Variants in PRKG1 observed in about 807,000 individuals in gnomAD.
PRKG1 encodes the protein cGMP-dependent protein kinase 1.
In PRKG1, 35 loss-of-function variants were observed where a neutral mutation model predicts 88.1. The observed-to-expected ratio is 0.40, with a 90% CI of 0.30 to 0.53. PRKG1 has a LOEUF of 0.53. PRKG1 is among the 20% of genes least tolerant of loss of function. PRKG1 has a pLI of 0.59. For synonymous variants in PRKG1, 303 were observed against 292.5 expected, an observed-to-expected ratio of 1.04 and a Z score of -0.37; for missense variants, 540 against 839.8, an observed-to-expected ratio of 0.64 and a Z score of 4.41.
chr10:52,104,871 T>C (rs1052857576), intron 7 of PRKG1, among the ~76,000 whole-genome samples: 1 of 152,204 alleles, frequency 6.6e-6, no homozygotes, highest in African/African-American at 2.4e-5. Context: ...AATCTTTTGA[T>C]TTTTCACAAT....
At chr10:51,410,790 T>A (rs531433853) in intron 2 of PRKG1, among the ~76,000 whole-genome samples, 2 of 151,734 alleles carry the variant, frequency 1.3e-5, no homozygotes, top group African/African-American at 4.8e-5. Context: ...AAAATAAATA[T>A]GTTAAATATA....
At chr10:51,679,999 C>T (rs1840808806) in intron 3 of PRKG1, among the ~76,000 whole-genome samples, 1 of 151,970 alleles carries the variant, frequency 6.6e-6, no homozygotes, top group Middle Eastern at 3.4e-3. Flanking sequence ...GGATCAAAGG[C>T]TACTCTACCT....
At chr10:51,474,764 C>A (rs10997704) in intron 3 of PRKG1, among the ~76,000 whole-genome samples, 1 of 151,714 alleles carries the variant, frequency 6.6e-6, no homozygotes, top group Non-Finnish European at 1.5e-5. Flanking sequence ...AAAGGATAAG[C>A]TGAGTCATGA....
At chr10:52,131,913 C>G (rs773596727) in intron 7 of PRKG1, among the ~76,000 whole-genome samples, 1 of 140,872 alleles carries the variant, frequency 7.1e-6, no homozygotes, top group Non-Finnish European at 1.5e-5. Context: ...TGGGAGTTAA[C>G]GAGACTATAA....
intron 3 of PRKG1, among the ~76,000 whole-genome samples, chr10:51,674,025 T>C (rs1317466930): frequency 1.3e-5 from 2 of 152,186 alleles, no homozygotes; most frequent in Admixed American, 6.5e-5. Flanking sequence ...TTGATTAGAA[T>C]GCAGAGGGGC....
At chr10:51,628,974 A>AAC (rs1554827086) in intron 3 of PRKG1, among the ~76,000 whole-genome samples, 2,238 of 142,024 alleles carry the variant, frequency 0.016, 17 homozygotes, top group African/African-American at 0.022. Flanking sequence ...TCAAAAAAAA[A>AAC]AAAAACAAAA....
intron 1 of PRKG1, among the ~76,000 whole-genome samples, chr10:51,129,068 G>C (rs1845500774): frequency 6.6e-6 from 1 of 152,136 alleles, no homozygotes; most frequent in Non-Finnish European, 1.5e-5. Context: ...TGATGATGAT[G>C]ATATTGACAT....
intron 8 of PRKG1, among the ~76,000 whole-genome samples, chr10:52,140,399 T>C (rs377219823): frequency 1.1e-4 from 16 of 152,118 alleles, no homozygotes; most frequent in African/African-American, 3.9e-4. Flanking sequence ...CATGCTTTAC[T>C]CCATCCCCTC....
At chr10:51,215,633 G>A (rs1838352705) in intron 2 of PRKG1, among the ~76,000 whole-genome samples, 1 of 152,042 alleles carries the variant, frequency 6.6e-6, no homozygotes, top group Non-Finnish European at 1.5e-5. Context: ...GGTCAAGAAG[G>A]GATGAAAATG....
intron 3 of PRKG1, among the ~76,000 whole-genome samples, chr10:51,472,483 C>T (rs1323227255): frequency 1.3e-5 from 2 of 151,860 alleles, no homozygotes; most frequent in Non-Finnish European, 2.9e-5. Flanking sequence ...CCACACTATG[C>T]TTTTTATTGG....
chr10:52,081,028 G>A (rs148845813), intron 7 of PRKG1, among the ~76,000 whole-genome samples: 5 of 152,214 alleles, frequency 3.3e-5, no homozygotes, highest in South Asian at 2.1e-4. Context: ...TGTTCAGTCC[G>A]GCTTCCTTCA....
chr10:51,921,221 C>G (rs959700523), intron 5 of PRKG1, among the ~76,000 whole-genome samples: 2 of 152,020 alleles, frequency 1.3e-5, no homozygotes, highest in Admixed American at 6.6e-5. Context: ...ATTATTCATG[C>G]GAGTATATAG....
At chr10:52,166,084 A>G (rs1838427367) in intron 9 of PRKG1, among the ~76,000 whole-genome samples, 1 of 152,214 alleles carries the variant, frequency 6.6e-6, no homozygotes, top group Non-Finnish European at 1.5e-5. Flanking sequence ...TTCTCTTTTT[A>G]AAATAGGAAA....
At chr10:50,994,813 G>GA (rs35386826) in intron 1 of PRKG1, among the ~76,000 whole-genome samples, 45,992 of 143,490 alleles carry the variant, frequency 0.32, 7,425 homozygotes, top group East Asian at 0.4. Context: ...AACTATTCAG[G>GA]AAAAAAAAAA....
At chr10:51,241,073 C>T (rs1303553276) in intron 2 of PRKG1, among the ~76,000 whole-genome samples, 1 of 152,112 alleles carries the variant, frequency 6.6e-6, no homozygotes, top group Non-Finnish European at 1.5e-5. Flanking sequence ...AACCTCAACA[C>T]CCTCATGAAG....
chr10:52,005,572 G>C (rs1180585080), intron 5 of PRKG1, among the ~76,000 whole-genome samples: 1 of 152,132 alleles, frequency 6.6e-6, no homozygotes, highest in Non-Finnish European at 1.5e-5. Flanking sequence ...ACAGCTCGCT[G>C]TTGTCCCAGT....
At chr10:52,254,276 C>T (rs1421173465) in intron 10 of PRKG1, among the ~76,000 whole-genome samples, 1 of 151,950 alleles carries the variant, frequency 6.6e-6, no homozygotes, top group Non-Finnish European at 1.5e-5. Flanking sequence ...GAGAATGACG[C>T]ATGCAAGATA....
rs1429243922 is a variant in PRKG1 at position 52,279,907 on chromosome 10, A to T, written c.1404-882A>T. On this transcript the variant is annotated intron_variant, in intron 12 of 17. Transcript: ENST00000373980. ...ATGGTTTATCTCTTTAAGAAGTACC[A>T]TGAAAAAAAAAAAGAAAAATAGTTA... Among the ~76,000 whole-genome samples, 5 of 152,040 alleles carry T rather than the reference A, an allele frequency of 3.3e-5. No individual in the cohort carries two copies. The East Asian group carries it at 9.6e-4, about 29-fold the overall frequency.
At chr10:51,080,424 G>A (rs1227985463) in intron 1 of PRKG1, among the ~76,000 whole-genome samples, 1 of 141,262 alleles carries the variant, frequency 7.1e-6, no homozygotes, top group African/African-American at 3.0e-5. Context: ...CAGGTTATAA[G>A]GCATATGGAC....
Sources: gnomAD v4.1 joint callset for allele counts (sites outside exome capture counted in the v4.1 genomes callset) on GRCh38, gnomAD v4.1.1 for gene constraint, MANE v1.5 for transcripts, NCBI Gene and HGNC (gene_info 2026-07-23, HGNC 2026-07-21) for gene names.